ZNF438: variants seen among roughly 807,000 people sequenced by gnomAD.
ZNF438 encodes the protein zinc finger protein 438.
ZNF438 carries 25 observed loss-of-function variants against 38.0 expected under a neutral mutation model. The observed-to-expected ratio is 0.66, with a 90% confidence interval of 0.48 to 0.92. The LOEUF is 0.92. Ranked by LOEUF, ZNF438 falls within the 40% of genes least tolerant of loss-of-function variation. The probability of loss-of-function intolerance (pLI) is 0.00; values close to 1 mark genes in which losing one functional copy is unlikely to be tolerated. For synonymous variants in ZNF438, 372 were observed against 364.1 expected, an observed-to-expected ratio of 1.02 and a Z score of -0.25; for missense variants, 1,007 against 999.6, an observed-to-expected ratio of 1.01 and a Z score of -0.10.
intron 1 of ZNF438, among the ~76,000 whole-genome samples, chr10:31,004,902 C>T (rs1156642159): frequency 2.0e-5 from 3 of 152,100 alleles, no homozygotes. Flanking sequence ...ATAACATAGC[C>T]TATTTCTTGA....
intron 4 of ZNF438, among the ~76,000 whole-genome samples, chr10:30,874,142 A>G (rs1364298702): frequency 1.1e-4 from 9 of 81,356 alleles, no homozygotes; most frequent in African/African-American, 4.7e-4. Context: ...ATATATATAT[A>G]TATATATATA....
intron 2 of ZNF438, among the ~76,000 whole-genome samples, chr10:30,924,083 C>T (rs765032156): frequency 2.0e-5 from 3 of 152,148 alleles, no homozygotes; most frequent in African/African-American, 7.2e-5. Context: ...TTAAAAATTA[C>T]ATTTCTGTAG....
At chr10:30,917,575 TA>T (rs1401823362) in intron 2 of ZNF438, among the ~76,000 whole-genome samples, 1 of 152,198 alleles carries the variant, frequency 6.6e-6, no homozygotes, top group East Asian at 1.9e-4. Context: ...ACATGCTTAC[TA>T]ATCATTTGAA....
chr10:31,003,779 C>T (rs565077601), intron 1 of ZNF438, among the ~76,000 whole-genome samples: 12 of 152,268 alleles, frequency 7.9e-5, no homozygotes, highest in African/African-American at 1.2e-4. Flanking sequence ...AGCTGATCTA[C>T]GTGAGATCAT....
rs187870387 is a variant in ZNF438 at position 30,913,587 on chromosome 10, G to A, written c.-114-4572C>T. Among the ~76,000 whole-genome samples, 14 of 152,134 alleles carry A rather than the reference G, an allele frequency of 9.2e-5. 1 individual carries two copies. Among genetic ancestry groups the A allele is most frequent in the African/African-American group, 3.4e-4 (14 of 41,498 alleles). ...ACCCCTTTCTTTCAGGTTAGAGAAAGAGTAAGTGAATTTAGGGAGGAAGGA... is the reference window on the plus strand; with the variant it reads ...ACCCCTTTCTTTCAGGTTAGAGAAAAAGTAAGTGAATTTAGGGAGGAAGGA... On this transcript the variant is annotated intron_variant, in intron 2 of 5. Transcript: ENST00000413025.
intron 1 of ZNF438, among the ~76,000 whole-genome samples, chr10:30,961,116 C>T (rs1242738279): frequency 7.1e-6 from 1 of 141,444 alleles, no homozygotes; most frequent in Non-Finnish European, 1.6e-5. Flanking sequence ...CTTATCTTAC[C>T]AGATTTATCT....
At chr10:30,933,449 A>T (rs1329086509) in intron 2 of ZNF438, among the ~76,000 whole-genome samples, 1 of 152,192 alleles carries the variant, frequency 6.6e-6, no homozygotes, top group Admixed American at 6.5e-5. Flanking sequence ...TTAACAAGCA[A>T]TTTATGCTTT....
chr10:30,862,144 G>T (rs1448759930), intron 4 of ZNF438, among the ~76,000 whole-genome samples: 1 of 152,132 alleles, frequency 6.6e-6, no homozygotes, highest in East Asian at 1.9e-4. Context: ...ACCTGTGCAC[G>T]CTGTCCTTCC....
rs530669704 is a variant in ZNF438, at chr10:30,962,488, G to A, written c.-191-20837C>T. Among the ~76,000 whole-genome samples, 10 of 147,556 alleles carry A rather than the reference G, an allele frequency of 6.8e-5. 1 individual carries two copies. The highest frequency in any genetic ancestry group is 3.8e-3 in the Middle Eastern group (1 of 266). On this transcript the variant is annotated intron_variant, in intron 1 of 5. Transcript: ENST00000413025. ...AGTAAGAAAGGAAGGAATTTGGAAGGAAGAAAGACAGGGGGTGGGTGTTCC... is the reference window on the plus strand; with the variant it reads ...AGTAAGAAAGGAAGGAATTTGGAAGAAAGAAAGACAGGGGGTGGGTGTTCC...
chr10:30,899,007 T>A (rs1351248864), intron 3 of ZNF438, among the ~76,000 whole-genome samples: 2 of 152,208 alleles, frequency 1.3e-5, no homozygotes, highest in Non-Finnish European at 2.9e-5. Flanking sequence ...ATTCTCCACC[T>A]TCTTCAGATT....
At chr10:31,017,950 G>C (rs998044168) in intron 1 of ZNF438, among the ~76,000 whole-genome samples, 2 of 152,206 alleles carry the variant, frequency 1.3e-5, no homozygotes, top group African/African-American at 4.8e-5. Flanking sequence ...AAAGTATGTG[G>C]AACACAGCCA....
chr10:30,875,603 C>T, intron 4 of ZNF438: 1 of 982,240 alleles, frequency 1.0e-6, no homozygotes, highest in Non-Finnish European at 1.2e-6. Flanking sequence ...AGGATATATA[C>T]CAGAGAACAC....
intron 4 of ZNF438, among the ~76,000 whole-genome samples, chr10:30,871,365 G>A (rs1482751334): frequency 6.6e-6 from 1 of 152,128 alleles, no homozygotes; most frequent in Non-Finnish European, 1.5e-5. Flanking sequence ...CAACAGGTGT[G>A]ATTGATTTAT....
chr10:30,932,587 GT>G (rs1204516074), intron 2 of ZNF438, among the ~76,000 whole-genome samples: 3 of 152,182 alleles, frequency 2.0e-5, no homozygotes, highest in Admixed American at 6.5e-5. Context: ...CAAATAAGTT[GT>G]GAAGTTGAAT....
chr10:30,894,149 T>C (rs2041044688), intron 3 of ZNF438, among the ~76,000 whole-genome samples: 2 of 152,234 alleles, frequency 1.3e-5, no homozygotes, highest in South Asian at 4.1e-4. Context: ...GATGCTCTAC[T>C]TGTTACAGGG....
chr10:30,911,486 C>T (rs1371820415), intron 2 of ZNF438, among the ~76,000 whole-genome samples: 1 of 152,180 alleles, frequency 6.6e-6, no homozygotes, highest in African/African-American at 2.4e-5. Context: ...TGCCTCCCGT[C>T]TCCTTCTCAG....
intron 1 of ZNF438, among the ~76,000 whole-genome samples, chr10:30,993,195 G>C (rs1036376284): frequency 6.6e-6 from 1 of 152,200 alleles, no homozygotes; most frequent in Non-Finnish European, 1.5e-5. Context: ...GGGACCCAGA[G>C]GCTATTCATC....
exon 5 of ZNF438, chr10:30,849,272 C>T (rs763957982): frequency 6.2e-7 from 1 of 1,614,148 alleles, no homozygotes; most frequent in East Asian, 2.2e-5. Flanking sequence ...CTTTGCTGCT[C>T]CACTGTTCAG....
At chr10:30,885,897 A>G (rs932203952) in intron 3 of ZNF438, among the ~76,000 whole-genome samples, 2 of 152,240 alleles carry the variant, frequency 1.3e-5, no homozygotes, top group African/African-American at 2.4e-5. Context: ...GATGCTAGCC[A>G]TCTTCAAATA....
Sources: gnomAD v4.1 joint callset for allele counts (sites outside exome capture counted in the v4.1 genomes callset) on GRCh38, gnomAD v4.1.1 for gene constraint, MANE v1.5 for transcripts, NCBI Gene and HGNC (gene_info 2026-07-23, HGNC 2026-07-21) for gene names.